The following SEPTIN14 variants were observed in gnomAD, a reference collection of about 807,000 sequenced individuals.
SEPTIN14 encodes the protein septin 14.
A neutral mutation model predicts 53.6 loss-of-function variants in SEPTIN14; 40 were observed. The ratio of observed to expected loss-of-function variants is 0.75; its 90% CI spans 0.58 to 0.97. The LOEUF (loss-of-function observed/expected upper bound fraction) is 0.97. Among genes scored for constraint, SEPTIN14 ranks in the 50% least tolerant of loss-of-function variants. SEPTIN14 has a pLI of 0.00. For synonymous variants in SEPTIN14, 138 were observed against 166.8 expected (o/e 0.83, Z 1.33); for missense variants, 471 against 508.2 (o/e 0.93, Z 0.70).
At chr7:55,816,723 AGG>A (rs1396794897) in intron 7 of SEPTIN14, among the ~76,000 whole-genome samples, 1 of 152,008 alleles carries the variant, frequency 6.6e-6, no homozygotes. Context: ...GCTTGAACCC[AGG>A]AGGCAAAGGT....
intron 7 of SEPTIN14, among the ~76,000 whole-genome samples, chr7:55,809,822 T>C (rs1437443637): frequency 7.0e-6 from 1 of 143,382 alleles, no homozygotes; most frequent in East Asian, 2.2e-4. Context: ...CCAGCACTTG[T>C]AATGGCTTGT....
chr7:55,848,607 ATTTT>A (rs34269322), intron 2 of SEPTIN14, among the ~76,000 whole-genome samples: 20 of 110,246 alleles, frequency 1.8e-4, no homozygotes, highest in East Asian at 5.9e-4. Flanking sequence ...ACTAACAGAG[ATTTT>A]TTTTTTTTTT....
At chr7:55,824,878 G>A (rs1298357910) in intron 6 of SEPTIN14, among the ~76,000 whole-genome samples, 1 of 152,012 alleles carries the variant, frequency 6.6e-6, no homozygotes, top group Non-Finnish European at 1.5e-5. Context: ...AGAGCAGCAG[G>A]AACTATCACT....
At chr7:55,804,267 G>GT (rs778497124) in intron 9 of SEPTIN14, among the ~76,000 whole-genome samples, 1,540 of 128,980 alleles carry the variant, frequency 0.012, 26 homozygotes, top group African/African-American at 0.032. Flanking sequence ...GGTTTTTTTT[G>GT]TTTTTTTTTT....
intron 9 of SEPTIN14, among the ~76,000 whole-genome samples, chr7:55,797,609 C>T (rs1487308250): frequency 6.6e-6 from 1 of 152,172 alleles, no homozygotes; most frequent in Non-Finnish European, 1.5e-5. Flanking sequence ...ACAAACAAAG[C>T]TGAGGGAATT....
intron 2 of SEPTIN14, 124 bp from the exon 3 acceptor site, chr7:55,846,761 C>A (rs1789424097): frequency 1.8e-6 from 1 of 562,070 alleles, no homozygotes; most frequent in Non-Finnish European, 3.1e-6. Flanking sequence ...ATACCTCAGA[C>A]AAGATGCAAA....
At position 55,828,506 on chromosome 7, in the gene SEPTIN14, G is replaced by A. The variant is rs377093398; in HGVS notation, c.720+5919C>T. Reference sequence around the variant, plus strand: ...TTTTTAGTAGAGGTGGGGTTTCACCGTGTTAGCCAGGATGGTCTCGATCTC... The same window carrying A: ...TTTTTAGTAGAGGTGGGGTTTCACCATGTTAGCCAGGATGGTCTCGATCTC... On this transcript the variant is annotated intron_variant, in intron 6 of 9. Coordinates refer to ENST00000388975, the MANE Select transcript of SEPTIN14 (RefSeq NM_207366.3). Among the ~76,000 whole-genome samples, 25 of 152,082 alleles carry A rather than the reference G, an allele frequency of 1.6e-4. No homozygotes were observed. The South Asian group carries it at 1.9e-3, about 11-fold the overall frequency.
Position 55,832,488 on chromosome 7 carries a change from C to A in SEPTIN14, c.720+1937G>T, listed in dbSNP as rs996742506. ...ACATTCCTACTCATAATAGTAAAGT[C>A]ATGGAATTAACCTAAATGTCCATTA... On this transcript the variant is annotated intron_variant, in intron 6 of 9. Coordinates refer to ENST00000388975, the MANE Select transcript of SEPTIN14 (RefSeq NM_207366.3). Among the ~76,000 whole-genome samples, 3 of 152,232 alleles carry A rather than the reference C, an allele frequency of 2.0e-5. No homozygotes were observed. In the East Asian group the frequency reaches 5.8e-4, roughly 29 times the overall value.
chr7:55,816,984 A>G (rs1788803848), intron 7 of SEPTIN14, among the ~76,000 whole-genome samples: 1 of 152,194 alleles, frequency 6.6e-6, no homozygotes, highest in Non-Finnish European at 1.5e-5. Context: ...AATTAAAAAT[A>G]AAACAACTAC....
rs751570540 is a variant in SEPTIN14 at position 55,805,253 on chromosome 7, C to T, written c.1119+5G>A. 1 of 1,610,734 alleles carries T rather than the reference C, an allele frequency of 6.2e-7. No homozygotes were observed. The highest frequency in any genetic ancestry group is 1.1e-5 in the South Asian group (1 of 90,786). On this transcript the variant is annotated splice_donor_5th_base_variant and intron_variant, in intron 9 of 9. Coordinates refer to ENST00000388975, the MANE Select transcript of SEPTIN14 (RefSeq NM_207366.3). ...TACAAATTATATCAAACTGTCAGTA[C>T]TAACCTCTTTTTCAGCTTCTTTAAA...
chr7:55,844,735 G>A lies in SEPTIN14; in HGVS notation c.176-17C>T, dbSNP rs376688417. 22 of 1,445,600 alleles carry A rather than the reference G, an allele frequency of 1.5e-5. No individual in the cohort carries two copies. The highest frequency in any genetic ancestry group is 4.7e-6 in the Non-Finnish European group (5 of 1,053,966). 89.5% of individuals were successfully genotyped at this position (1,445,600 alleles called of 1,614,324 possible). A position where few individuals can be genotyped will look rare whatever the true frequency, so the allele number is the denominator to read the frequency against. On this transcript the variant is annotated splice_polypyrimidine_tract_variant and intron_variant, in intron 3 of 9. Transcript: ENST00000388975. ...CAGTCTCCCCTGTAATAGACATAGA[G>A]TCATTGTCATAGGGACATAAAGGGG...
chr7:55,851,426 T>TA (rs397960928), intron 2 of SEPTIN14, among the ~76,000 whole-genome samples: 3 of 151,892 alleles, frequency 2.0e-5, no homozygotes, highest in Non-Finnish European at 2.9e-5. Context: ...TTTTTTTTTT[T>TA]ATCTTAACAA....
chr7:55,846,431 G>A (rs1050303758), intron 3 of SEPTIN14, 86 bp downstream of exon 3: 1 of 859,980 alleles, frequency 1.2e-6, no homozygotes, highest in African/African-American at 1.7e-5. Flanking sequence ...TGAATTAATA[G>A]CATCAATGTT....
In SEPTIN14 at chr7:55,798,240, G is replaced by A. The variant is rs182135523; in HGVS notation, c.1120-2148C>T. The stretch of plus-strand genomic sequence containing the variant: ...CTCCAACTAGACAAAAGAACCTGCT[G>A]AGTTGGCAGCTGTTGCTCATGAGCG... On this transcript the variant is annotated intron_variant, in intron 9 of 9. Transcript: ENST00000388975. 520 of 408,700 alleles carry A rather than the reference G, an allele frequency of 1.3e-3. 5 individuals are homozygous for A. Among genetic ancestry groups the A allele is most frequent in the African/African-American group, 9.9e-3 (470 of 47,686 alleles). The allele number at this position is 408,700 out of a possible 1,614,324, so 25.3% of individuals were successfully genotyped here.
intron 7 of SEPTIN14, among the ~76,000 whole-genome samples, chr7:55,812,812 C>T (rs1788724179): frequency 1.3e-5 from 2 of 152,090 alleles, no homozygotes; most frequent in Non-Finnish European, 2.9e-5. Context: ...CCAGCAGCAC[C>T]ATACTAAACA....
intron 9 of SEPTIN14, chr7:55,798,142 T>C (rs1321140862): frequency 4.5e-5 from 9 of 200,020 alleles, no homozygotes; most frequent in Middle Eastern, 5.3e-4. Context: ...TGTGTTCCCC[T>C]GGTACTCCAT....
At chr7:55,799,425 G>A (rs2115948431) in intron 9 of SEPTIN14, among the ~76,000 whole-genome samples, 1 of 150,598 alleles carries the variant, frequency 6.6e-6, no homozygotes, top group East Asian at 2.0e-4. Context: ...GGCTGAGGCA[G>A]GAGAATCTCT....
chr7:55,856,870 T>G (rs1449880905), intron 2 of SEPTIN14, among the ~76,000 whole-genome samples: 2 of 151,060 alleles, frequency 1.3e-5, no homozygotes, highest in Non-Finnish European at 3.0e-5. Context: ...GTCAGGAGTT[T>G]GAGAGCAGCT....
At chr7:55,846,420 T>C (rs1789413992) in intron 3 of SEPTIN14, 97 bp downstream of exon 3, 5 of 816,756 alleles carry the variant, frequency 6.1e-6, no homozygotes, top group Non-Finnish European at 7.5e-6. Context: ...GAAGATATAT[T>C]TGAATTAATA....
Sources: allele counts gnomAD v4.1 joint callset (sites outside exome capture counted in the v4.1 genomes callset), GRCh38; gene constraint gnomAD v4.1.1; transcripts MANE v1.5; gene names NCBI Gene and HGNC (gene_info 2026-07-23, HGNC 2026-07-21).